PGAP1: variants seen among roughly 807,000 people sequenced by gnomAD.
PGAP1 encodes the protein GPI inositol-deacylase.
PGAP1 carries 76 observed loss-of-function variants against 127.0 expected under a neutral mutation model. The observed-to-expected ratio is 0.60, with a 90% CI of 0.50 to 0.72. The LOEUF (loss-of-function observed/expected upper bound fraction) is 0.72. Ranked by LOEUF, PGAP1 falls within the 30% of genes least tolerant of loss-of-function variation. The pLI is 0.00. For missense variants in PGAP1, 982 were observed against 1,071.3 expected (o/e 0.92, Z 1.16); for synonymous variants, 362 against 366.5 (o/e 0.99, Z 0.14).
At chr2:196,925,600 C>T (rs768906566) in intron 1 of PGAP1, among the ~76,000 whole-genome samples, 1 of 152,096 alleles carries the variant, frequency 6.6e-6, no homozygotes, top group African/African-American at 2.4e-5. Context: ...GCCGAACTAA[C>T]GAAGCCATTG....
In PGAP1 at chr2:196,835,001, T is replaced by C. The variant is rs987161220; in HGVS notation, c.*6233A>G. Reference sequence around the variant, plus strand: ...GCTATTTATGCAAACTGCATCAACATTACTGGGCAGAGAAATACTTAGTAA... The same window carrying C: ...GCTATTTATGCAAACTGCATCAACACTACTGGGCAGAGAAATACTTAGTAA... On this transcript the variant is annotated 3_prime_UTR_variant, in exon 27 of 27. Coordinates refer to ENST00000354764, the MANE Select transcript of PGAP1 (RefSeq NM_024989.4). 5.9e-5 allele frequency: 9 copies of C among 152,040 alleles called. No homozygotes were observed. Among genetic ancestry groups the C allele is most frequent in the African/African-American group, 1.9e-4 (8 of 41,440 alleles). The allele number at this position is 152,040 out of a possible 1,614,324, so 9.4% of individuals were successfully genotyped here.
chr2:196,905,285 T>C (rs1702657628), intron 4 of PGAP1, among the ~76,000 whole-genome samples: 1 of 152,228 alleles, frequency 6.6e-6, no homozygotes, highest in African/African-American at 2.4e-5. Context: ...ACAAGTACTA[T>C]GACTTTTAGC....
chr2:196,926,324 C>G, intron 1 of PGAP1, 146 bp downstream of exon 1: 1 of 1,241,496 alleles, frequency 8.1e-7, no homozygotes, highest in Non-Finnish European at 1.1e-6. Context: ...GATGCAGAGT[C>G]TCCCCGGGCG....
intron 10 of PGAP1, among the ~76,000 whole-genome samples, chr2:196,890,261 A>G (rs1054367231): frequency 1.2e-4 from 18 of 152,246 alleles, no homozygotes; most frequent in African/African-American, 4.3e-4. Flanking sequence ...TAATAAATGC[A>G]CGCTACAGCA....
At chr2:196,924,402 A>G (rs1206115825) in intron 1 of PGAP1, among the ~76,000 whole-genome samples, 1 of 152,204 alleles carries the variant, frequency 6.6e-6, no homozygotes, top group African/African-American at 2.4e-5. Context: ...TATTCATGAA[A>G]GCCATTTGGT....
intron 4 of PGAP1, among the ~76,000 whole-genome samples, chr2:196,903,424 G>GTATTT (rs1158437009): frequency 1.3e-5 from 2 of 151,818 alleles, no homozygotes; most frequent in Non-Finnish European, 2.9e-5. Context: ...AGCTGGGCAT[G>GTATTT]GTGGTGCGCA....
intron 4 of PGAP1, among the ~76,000 whole-genome samples, chr2:196,905,903 AACGGCGC>A (rs1482088609): frequency 1.6e-5 from 1 of 61,826 alleles, no homozygotes; most frequent in Admixed American, 1.8e-4. Flanking sequence ...CGGCTTAAGA[AACGGCGC>A]ACCACGAGAC....
At chr2:196,852,840 A>T (rs904862393) in intron 20 of PGAP1, among the ~76,000 whole-genome samples, 4 of 152,168 alleles carry the variant, frequency 2.6e-5, no homozygotes, top group African/African-American at 9.7e-5. Flanking sequence ...AATAGGAAAT[A>T]CTTGGACAAG....
intron 20 of PGAP1, among the ~76,000 whole-genome samples, chr2:196,860,256 G>A (rs545086435): frequency 6.6e-6 from 1 of 152,178 alleles, no homozygotes; most frequent in African/African-American, 2.4e-5. Context: ...AGAGGGCTGG[G>A]CGCAGTGGCT....
chr2:196,864,390 C>CAAAAAAAAAAAAAAAAAAAAAAAAAAAAA lies in PGAP1; in HGVS notation c.1861+596_1861+597insTTTTTTTTTTTTTTTTTTTTTTTTTTTTT, dbSNP rs752788293. On this transcript the variant is annotated intron_variant, in intron 20 of 26. Coordinates refer to ENST00000354764, the MANE Select transcript of PGAP1 (RefSeq NM_024989.4). The stretch of plus-strand genomic sequence containing the variant: ...GGGCAACAAGAGCAAAACTACGTCT[C>CAAAAAAAAAAAAAAAAAAAAAAAAAAAAA]AAAAAAAAAAAAAAAAAAAAAAAAA... Among the ~76,000 whole-genome samples the CAAAAAAAAAAAAAAAAAAAAAAAAAAAAA allele has an allele frequency of 6.2e-5, 2 of 32,390 alleles. 1 individual carries two copies. Among genetic ancestry groups the CAAAAAAAAAAAAAAAAAAAAAAAAAAAAA allele is most frequent in the Non-Finnish European group, 1.2e-4 (2 of 16,810 alleles). The allele number at this position is 32,390 out of a possible 152,430, so 21.2% of individuals were successfully genotyped here.
chr2:196,876,743 G>GAAA (rs1182105465), intron 13 of PGAP1, among the ~76,000 whole-genome samples: 2 of 152,052 alleles, frequency 1.3e-5, no homozygotes, highest in African/African-American at 4.8e-5. Context: ...TTTGTCTGAA[G>GAAA]CAGTGTTACT....
chr2:196,885,809 A>G, intron 11 of PGAP1, 25 bp downstream of exon 11: 1 of 1,381,202 alleles, frequency 7.2e-7, no homozygotes, highest in Non-Finnish European at 9.5e-7. Flanking sequence ...GTTGAGATAA[A>G]TGAACATGCA....
In PGAP1 at chr2:196,885,850, T is replaced by G; in HGVS notation, c.1204A>C (p.Asn402His). 7.0e-7 allele frequency: 1 copy of G among 1,420,136 alleles called. No homozygotes were observed. The highest frequency in any genetic ancestry group is 9.2e-7 in the Non-Finnish European group (1 of 1,082,886). 88.0% of individuals were successfully genotyped at this position (1,420,136 alleles called of 1,614,324 possible). Residue 402 changes from asparagine to histidine, a missense_variant, in exon 11 of 27, where the codon AAC becomes CAC. Physicochemically the swap from Asn to His is moderately conservative, Grantham distance 68 (BLOSUM62 1). Coordinates refer to ENST00000354764, the MANE Select transcript of PGAP1 (RefSeq NM_024989.4). ...DTNSWIFACI[N>H]STSMCLQGVD... ...AAGACTTACCACATAGAAGTGCTGT[T>G]TATGCAAGCAAAAATCCAACTATTT...
intron 23 of PGAP1, 132 bp from the exon 24 acceptor site, chr2:196,844,706 T>C (rs919926096): frequency 6.0e-5 from 37 of 621,192 alleles, no homozygotes; most frequent in Non-Finnish European, 9.9e-5. Context: ...ATTTAAACAT[T>C]TAAAAACATT....
At chr2:196,847,687 T>C (rs981694215) in intron 21 of PGAP1, 1 of 278,210 alleles carries the variant, frequency 3.6e-6, no homozygotes, top group Non-Finnish European at 6.7e-6. Context: ...TCATGGACCA[T>C]ATACACCTAT....
chr2:196,843,972 C>T lies in PGAP1; in HGVS notation c.2441G>A (p.Arg814His), dbSNP rs754305866. The part of the protein sequence containing the change: ...LSANDAEDSL[R>H]MHSTVINLLT... ...TAAGTTAATCACAGTACTGTGCATG[C>T]GAAGGCTATCTTCAGCATCGTTGGC... The change falls in exon 25 of 27, where the codon CGC becomes CAC. Residue 814 changes from arginine (R) to histidine (H), a missense_variant. Physicochemically the swap from Arg to His is conservative, Grantham distance 29. Coordinates refer to ENST00000354764, the MANE Select transcript of PGAP1 (RefSeq NM_024989.4). 2.7e-5 allele frequency: 44 copies of T among 1,607,826 alleles called. No individual in the cohort carries two copies. The highest frequency in any genetic ancestry group is 3.4e-5 in the Non-Finnish European group (40 of 1,175,870).
intron 1 of PGAP1, among the ~76,000 whole-genome samples, chr2:196,921,805 A>G (rs927872734): frequency 1.3e-5 from 2 of 152,170 alleles, no homozygotes; most frequent in African/African-American, 4.8e-5. Context: ...ATGGGCAAAT[A>G]AGTTAGAACA....
intron 5 of PGAP1, among the ~76,000 whole-genome samples, chr2:196,899,805 G>A (rs986544139): frequency 1.1e-4 from 16 of 149,110 alleles, no homozygotes; most frequent in Non-Finnish European, 1.6e-4. Flanking sequence ...AGGCCGAGGC[G>A]GGTGGATCAC....
chr2:196,860,545 T>A (rs1701031360), intron 20 of PGAP1, among the ~76,000 whole-genome samples: 1 of 150,922 alleles, frequency 6.6e-6, no homozygotes, highest in South Asian at 2.1e-4. Flanking sequence ...AAAAAACAAA[T>A]AAACAAACAA....
Sources: gnomAD v4.1 joint callset for allele counts (sites outside exome capture counted in the v4.1 genomes callset) on GRCh38, gnomAD v4.1.1 for gene constraint, MANE v1.5 for transcripts, NCBI Gene and HGNC (gene_info 2026-07-23, HGNC 2026-07-21) for gene names.